CEP63: variants seen among roughly 807,000 people sequenced by gnomAD.
CEP63 encodes the protein centrosomal protein 63, also known as centrosomal protein of 63 kDa.
A neutral mutation model predicts 89.1 loss-of-function variants in CEP63; 84 were observed. That is an observed-to-expected ratio of 0.94 (90% confidence interval 0.79 to 1.13). The LOEUF is 1.13. Among genes scored for constraint, CEP63 ranks in the 50% most tolerant of loss-of-function variants. The pLI is 0.00. For synonymous variants in CEP63, 267 were observed against 272.5 expected, an observed-to-expected ratio of 0.98 and a Z score of 0.20; for missense variants, 838 against 813.3, an observed-to-expected ratio of 1.03 and a Z score of -0.37.
chr3:134,518,974 T>G (rs1034467883), intron 3 of CEP63, among the ~76,000 whole-genome samples: 1 of 151,922 alleles, frequency 6.6e-6, no homozygotes, highest in African/African-American at 2.4e-5. Context: ...TAATAGAGCC[T>G]CTGAATAGTA....
chr3:134,697,751 C>A, the CEP63 span, among the ~76,000 whole-genome samples: 1 of 152,176 alleles, frequency 6.6e-6, no homozygotes, highest in South Asian at 2.1e-4. Context: ...CTGTGTTGAG[C>A]TTTTGAGGCC....
chr3:134,724,734 C>T, the CEP63 span, among the ~76,000 whole-genome samples: 1,623 of 152,176 alleles, frequency 0.011, 14 homozygotes, highest in Non-Finnish European at 0.018. Context: ...ACTATAAGTC[C>T]TTTTTTCATT....
intron 3 of CEP63, among the ~76,000 whole-genome samples, chr3:134,525,796 A>G (rs1352624909): frequency 6.6e-6 from 1 of 152,208 alleles, no homozygotes; most frequent in African/African-American, 2.4e-5. Context: ...GGTTTCTGCC[A>G]AGAGGTCTAC....
At chr3:134,700,677 T>A in the CEP63 span, among the ~76,000 whole-genome samples, 1 of 152,186 alleles carries the variant, frequency 6.6e-6, no homozygotes, top group African/African-American at 2.4e-5. Flanking sequence ...TACAGTCATA[T>A]CACAGATTAG....
chr3:134,771,879 G>T, the CEP63 span, among the ~76,000 whole-genome samples: 1 of 152,148 alleles, frequency 6.6e-6, no homozygotes, highest in Non-Finnish European at 1.5e-5. Flanking sequence ...TTCTCAGAAG[G>T]TACTAACTAG....
chr3:134,575,160 C>A, downstream of CEP63: 1 of 238,098 alleles, frequency 4.2e-6, no homozygotes, highest in Non-Finnish European at 7.8e-6. Flanking sequence ...CCCTCCGTCC[C>A]CCTTCCCCTC....
intron 2 of CEP63, among the ~76,000 whole-genome samples, chr3:134,506,460 T>A (rs1388417294): frequency 1.3e-5 from 2 of 152,218 alleles, no homozygotes; most frequent in Non-Finnish European, 2.9e-5. Context: ...GAAAGCTTCC[T>A]TAATATGTTA....
the CEP63 span, among the ~76,000 whole-genome samples, chr3:134,782,468 T>G: frequency 6.6e-6 from 1 of 152,204 alleles, no homozygotes; most frequent in Non-Finnish European, 1.5e-5. Context: ...GTTCACAGTA[T>G]TTTCTACTGT....
the CEP63 span, among the ~76,000 whole-genome samples, chr3:134,749,893 T>C: frequency 6.6e-6 from 1 of 151,928 alleles, no homozygotes; most frequent in Non-Finnish European, 1.5e-5. Context: ...TGGGCCACAC[T>C]GGTAGAGCAG....
the CEP63 span, among the ~76,000 whole-genome samples, chr3:134,717,203 T>C: frequency 6.6e-6 from 1 of 152,170 alleles, no homozygotes; most frequent in Non-Finnish European, 1.5e-5. Context: ...GGCAGGTGAA[T>C]AATGGCAGAG....
intron 6 of CEP63, among the ~76,000 whole-genome samples, chr3:134,540,468 A>C (rs1463952038): frequency 6.6e-6 from 1 of 152,154 alleles, no homozygotes; most frequent in Non-Finnish European, 1.5e-5. Context: ...AGTACCTTCA[A>C]ATATTTTAAT....
chr3:134,736,530 G>T, the CEP63 span, among the ~76,000 whole-genome samples: 1 of 152,018 alleles, frequency 6.6e-6, no homozygotes, highest in Non-Finnish European at 1.5e-5. Flanking sequence ...GTCAGAAAAT[G>T]CAATTTAAAA....
the CEP63 span, among the ~76,000 whole-genome samples, chr3:134,739,771 C>G: frequency 6.6e-6 from 1 of 150,894 alleles, no homozygotes; most frequent in Non-Finnish European, 1.5e-5. Context: ...ACACAAAATC[C>G]AGGTTGTGGT....
rs1452568471 is a variant in CEP63, at chr3:134,561,693, G to A, written c.*158G>A. The A allele has an allele frequency of 1.4e-6, 2 of 1,453,094 alleles. No individual in the cohort carries two copies. Among genetic ancestry groups the A allele is most frequent in the African/African-American group, 2.9e-5 (2 of 69,990 alleles). The allele number at this position is 1,453,094 out of a possible 1,614,324, so 90.0% of individuals were successfully genotyped here. ...AGCTGAAAAACTGATACTTTTGATA[G>A]GCATTTTCTCTGCACTGGTTTGTTT... is the stretch of plus-strand genomic sequence containing the variant. On this transcript the variant is annotated 3_prime_UTR_variant, in exon 15 of 15. Coordinates refer to ENST00000675561, the MANE Select transcript of CEP63 (RefSeq NM_001353108.3).
intron 12 of CEP63, among the ~76,000 whole-genome samples, chr3:134,556,326 A>T (rs1014700510): frequency 2.0e-5 from 3 of 152,178 alleles, no homozygotes; most frequent in African/African-American, 7.2e-5. Context: ...CTACCATCAG[A>T]GTGAACAGGC....
chr3:134,779,092 T>C, the CEP63 span, among the ~76,000 whole-genome samples: 4 of 152,258 alleles, frequency 2.6e-5, no homozygotes, highest in Non-Finnish European at 5.9e-5. Context: ...TTAGTGAACA[T>C]TTGCTTTTAC....
At chr3:134,701,277 CATATATACGTATATATGTGT>C in the CEP63 span, among the ~76,000 whole-genome samples, 11,178 of 38,466 alleles carry the variant, frequency 0.29, 1,647 homozygotes, top group East Asian at 0.44. Context: ...CATATACACA[CATATATACGTATATATGTGT>C]ATATATACGT....
At chr3:134,769,410 C>G in the CEP63 span, among the ~76,000 whole-genome samples, 1 of 152,194 alleles carries the variant, frequency 6.6e-6, no homozygotes, top group Non-Finnish European at 1.5e-5. Context: ...GAGTCTCAAC[C>G]TTGGCCACAC....
chr3:134,676,872 G>T, the CEP63 span, among the ~76,000 whole-genome samples: 12 of 152,298 alleles, frequency 7.9e-5, no homozygotes, highest in Admixed American at 7.2e-4. Flanking sequence ...CTTCCTCTGG[G>T]CAACGCTGTT....
Sources: allele counts gnomAD v4.1 joint callset (sites outside exome capture counted in the v4.1 genomes callset), GRCh38; gene constraint gnomAD v4.1.1; transcripts MANE v1.5; gene names NCBI Gene and HGNC (gene_info 2026-07-23, HGNC 2026-07-21).